Variants in TP63 observed in about 807,000 individuals in gnomAD.
The protein encoded by TP63 is tumor protein p63.
In TP63, 17 loss-of-function variants were observed where a neutral mutation model predicts 82.8. The ratio of observed to expected loss-of-function variants is 0.21; its 90% confidence interval spans 0.14 to 0.31. The LOEUF is 0.31. TP63 is among the 10% of genes least tolerant of loss of function. The pLI, the probability that TP63 is intolerant of heterozygous loss-of-function variation, is 1.00. For synonymous variants in TP63, 330 were observed against 321.7 expected, an observed-to-expected ratio of 1.03 and a Z score of -0.28; for missense variants, 648 against 895.3, an observed-to-expected ratio of 0.72 and a Z score of 3.52.
At chr3:189,765,899 T>G (rs1324610603) in intron 3 of TP63, among the ~76,000 whole-genome samples, 1 of 152,190 alleles carries the variant, frequency 6.6e-6, no homozygotes, top group Non-Finnish European at 1.5e-5. Context: ...AGCACGGAGT[T>G]GGGCTAGGTG....
intron 1 of TP63, among the ~76,000 whole-genome samples, chr3:189,659,682 T>C (rs1056475011): frequency 2.6e-5 from 4 of 152,086 alleles, no homozygotes; most frequent in African/African-American, 9.6e-5. Flanking sequence ...CCACCAACAG[T>C]GTATAAGCAT....
intron 4 of TP63, among the ~76,000 whole-genome samples, chr3:189,821,727 G>T (rs1728815779): frequency 6.6e-6 from 1 of 152,076 alleles, no homozygotes; most frequent in Non-Finnish European, 1.5e-5. Context: ...ATTTGACATT[G>T]GAATTTAGAC....
At chr3:189,735,961 A>G (rs1226089575) in intron 1 of TP63, among the ~76,000 whole-genome samples, 1 of 152,018 alleles carries the variant, frequency 6.6e-6, no homozygotes, top group Non-Finnish European at 1.5e-5. Flanking sequence ...TAGTTTTACA[A>G]GATGTTGCTA....
At chr3:189,844,995 C>T (rs779634977) in intron 4 of TP63, among the ~76,000 whole-genome samples, 1 of 152,174 alleles carries the variant, frequency 6.6e-6, no homozygotes, top group Non-Finnish European at 1.5e-5. Flanking sequence ...TTATTGATTT[C>T]ATCACCCTCT....
chr3:189,658,596 G>T (rs546093613), intron 1 of TP63, among the ~76,000 whole-genome samples: 3 of 151,920 alleles, frequency 2.0e-5, no homozygotes, highest in Non-Finnish European at 4.4e-5. Flanking sequence ...AATCCATAAC[G>T]CTAATTCTAA....
At chr3:189,875,591 T>TATATATATATATATATATATATAC (rs1366557794) in intron 10 of TP63, among the ~76,000 whole-genome samples, 4 of 26,596 alleles carry the variant, frequency 1.5e-4, no homozygotes, top group Admixed American at 3.6e-4. Context: ...AAAAAATACA[T>TATATATATATATATATATATATAC]ACATATATAT....
At chr3:189,678,008 G>A (rs1392675099) in intron 1 of TP63, among the ~76,000 whole-genome samples, 1 of 151,872 alleles carries the variant, frequency 6.6e-6, no homozygotes, top group Admixed American at 6.6e-5. Context: ...TTCCTTTGTA[G>A]GATGCATGGT....
At chr3:189,814,404 T>A (rs1332786001) in intron 4 of TP63, among the ~76,000 whole-genome samples, 1 of 152,178 alleles carries the variant, frequency 6.6e-6, no homozygotes, top group African/African-American at 2.4e-5. Context: ...GGCTGTTAGA[T>A]TTTATTGGTG....
chr3:189,750,248 T>C (rs1240422855), intron 3 of TP63, among the ~76,000 whole-genome samples: 2 of 152,212 alleles, frequency 1.3e-5, no homozygotes, highest in South Asian at 2.1e-4. Context: ...CTCACTCATA[T>C]GTAGGAGCTT....
chr3:189,737,187 T>C (rs953249881), intron 1 of TP63, among the ~76,000 whole-genome samples: 2 of 152,060 alleles, frequency 1.3e-5, no homozygotes, highest in Non-Finnish European at 2.9e-5. Context: ...AATTAAAAAA[T>C]ATTAGGTCCA....
chr3:189,867,291 T>C (rs575997978), intron 6 of TP63, among the ~76,000 whole-genome samples: 3 of 152,288 alleles, frequency 2.0e-5, no homozygotes, highest in Admixed American at 1.3e-4. Flanking sequence ...TTTGCTGGCT[T>C]GCTGTGTGGA....
rs543055072 is a variant in TP63, at chr3:189,695,648, A to G, written c.63-42092A>G. ...TTTCTATGTGGAACTAGCTGTACCT[A>G]TGCTGATTTCTCCAACTTTTATTCA... On this transcript the variant is annotated intron_variant, in intron 1 of 13. Coordinates refer to ENST00000264731, the MANE Select transcript of TP63 (RefSeq NM_003722.5). Among the ~76,000 whole-genome samples, 5 of 152,302 alleles carry G rather than the reference A, an allele frequency of 3.3e-5. No individual in the cohort carries two copies. The East Asian group carries it at 9.6e-4, about 29-fold the overall frequency.
intron 1 of TP63, among the ~76,000 whole-genome samples, chr3:189,693,684 G>A (rs905722087): frequency 6.6e-6 from 1 of 152,074 alleles, no homozygotes; most frequent in African/African-American, 2.4e-5. Flanking sequence ...GAATATATAC[G>A]GCTATAGTAA....
the TP63 span, among the ~76,000 whole-genome samples, chr3:189,606,953 C>T: frequency 1.3e-5 from 2 of 152,152 alleles, no homozygotes; most frequent in Non-Finnish European, 2.9e-5. Flanking sequence ...TGACTTCTGT[C>T]ATGCCAGTAC....
chr3:189,868,434 C>T (rs1296208756), intron 7 of TP63, 146 bp from the exon 8 acceptor site: 4 of 1,151,404 alleles, frequency 3.5e-6, no homozygotes, highest in South Asian at 2.7e-5. Context: ...CTGCCAAGTG[C>T]TTTTGGGTCC....
intron 4 of TP63, among the ~76,000 whole-genome samples, chr3:189,813,790 G>C (rs1269282007): frequency 6.6e-6 from 1 of 152,060 alleles, no homozygotes; most frequent in African/African-American, 2.4e-5. Flanking sequence ...AAATGGGAAG[G>C]AACTTTTTTT....
rs772867228 is a variant in TP63 at position 189,737,855 on chromosome 3, G to A, written c.178G>A (p.Asp60Asn). ...TCCAGAGGTTTTCCAGCATATCTGG[G>A]ATTTTCTGGAACAGTAAGTATAAAA... ...LSPEVFQHIW[D>N]FLEQPICSVQ... is the part of the protein sequence containing the mutation. The change falls in exon 2 of 14, where the codon GAT becomes AAT. Residue 60 changes from aspartate to asparagine, a missense_variant. This residue lies in a region of TP63 where 182 missense variants were observed against 213.6 expected (regional missense o/e 0.85). Transcript: ENST00000264731. 17 of 1,613,862 alleles carry A rather than the reference G, an allele frequency of 1.1e-5. No homozygotes were observed. The South Asian group carries it at 1.8e-4, about 17-fold the overall frequency.
At chr3:189,671,478 G>A (rs998384318) in intron 1 of TP63, among the ~76,000 whole-genome samples, 4 of 152,028 alleles carry the variant, frequency 2.6e-5, no homozygotes, top group Non-Finnish European at 5.9e-5. Flanking sequence ...AAAGAGTATG[G>A]AGGTTTCTCA....
At chr3:189,616,424 C>G in the TP63 span, among the ~76,000 whole-genome samples, 1 of 152,202 alleles carries the variant, frequency 6.6e-6, no homozygotes, top group East Asian at 1.9e-4. Flanking sequence ...TTCCATGGAT[C>G]CTCATGGTAT....
Sources: gnomAD v4.1 joint callset for allele counts (sites outside exome capture counted in the v4.1 genomes callset) on GRCh38, gnomAD v4.1.1 for gene constraint, gnomAD v4.1.1 regional missense constraint, MANE v1.5 for transcripts, NCBI Gene and HGNC (gene_info 2026-07-23, HGNC 2026-07-21) for gene names.